Variants in TYW1 observed in about 807,000 individuals in gnomAD.
TYW1 encodes tRNA-yW synthesizing protein 1 homolog.
TYW1 carries 46 observed loss-of-function variants against 96.2 expected under a neutral mutation model. The observed-to-expected ratio is 0.48, with a 90% CI of 0.38 to 0.61. The LOEUF is 0.61. Ranked by LOEUF, TYW1 falls within the 20% of genes least tolerant of loss-of-function variation. The pLI, the probability that TYW1 is intolerant of heterozygous loss-of-function variation, is 0.00. For missense variants in TYW1, 684 were observed against 909.6 expected, an observed-to-expected ratio of 0.75 and a Z score of 3.19; for synonymous variants, 274 against 323.0, an observed-to-expected ratio of 0.85 and a Z score of 1.63.
At chr7:67,064,035 A>C (rs1179205907) in intron 9 of TYW1, among the ~76,000 whole-genome samples, 1 of 152,238 alleles carries the variant, frequency 6.6e-6, no homozygotes, top group Non-Finnish European at 1.5e-5. Flanking sequence ...AAATTTTTAA[A>C]ATGCTGATAA....
At chr7:67,028,896 A>G (rs1794548599) in intron 7 of TYW1, among the ~76,000 whole-genome samples, 1 of 152,246 alleles carries the variant, frequency 6.6e-6, no homozygotes, top group Non-Finnish European at 1.5e-5. Context: ...TGGTATATCC[A>G]CACAATGGAA....
chr7:67,015,104 C>T (rs948662545), intron 5 of TYW1, among the ~76,000 whole-genome samples: 7 of 150,834 alleles, frequency 4.6e-5, no homozygotes, highest in African/African-American at 1.5e-4. Flanking sequence ...CGGGTTCAAG[C>T]GGTTCTCATT....
rs544650851 is a variant in TYW1, at chr7:67,014,496, C to T, written c.505C>T (p.Leu169=). ...SIDFRFGKTY[L]KGMRYAVFGL... ...TGATTTTCGATTTGGCAAAACTTAC[C>T]TGAAGGGTATGAGATATGCGGTATT... The change falls in exon 5 of 16, where the codon CTG becomes TTG. Residue 169 remains leucine (L), a synonymous_variant. Transcript: ENST00000359626. 2 of 1,613,910 alleles carry T rather than the reference C, an allele frequency of 1.2e-6. No homozygotes were observed. Among genetic ancestry groups the T allele is most frequent in the African/African-American group, 2.7e-5 (2 of 75,014 alleles).
intron 9 of TYW1, among the ~76,000 whole-genome samples, chr7:67,065,858 A>G (rs769928029): frequency 6.6e-6 from 1 of 152,122 alleles, no homozygotes; most frequent in Non-Finnish European, 1.5e-5. Context: ...AAAAAATACA[A>G]ATACTAGCTG....
chr7:66,997,372 T>C (rs1793208036), intron 1 of TYW1, among the ~76,000 whole-genome samples: 1 of 152,110 alleles, frequency 6.6e-6, no homozygotes, highest in South Asian at 2.1e-4. Flanking sequence ...CTTTTACAAG[T>C]TTAACCGTGA....
intron 14 of TYW1, among the ~76,000 whole-genome samples, chr7:67,191,989 G>A (rs1446899768): frequency 1.3e-5 from 2 of 151,678 alleles, no homozygotes; most frequent in East Asian, 3.9e-4. Flanking sequence ...TCCGCCTGCC[G>A]GGTTCGAGCT....
intron 4 of TYW1, among the ~76,000 whole-genome samples, chr7:67,013,640 T>C (rs1203728839): frequency 2.6e-5 from 4 of 152,140 alleles, no homozygotes; most frequent in Non-Finnish European, 4.4e-5. Context: ...ACATGAGCTG[T>C]TGTTTTCTCT....
intron 7 of TYW1, among the ~76,000 whole-genome samples, chr7:67,041,880 T>A (rs1433297598): frequency 6.6e-6 from 1 of 151,910 alleles, no homozygotes; most frequent in Admixed American, 6.6e-5. Context: ...GAGATAACAG[T>A]ATCTGCCTTA....
At chr7:67,005,571 G>A (rs1793549010) in intron 3 of TYW1, among the ~76,000 whole-genome samples, 2 of 152,218 alleles carry the variant, frequency 1.3e-5, no homozygotes, top group Admixed American at 1.3e-4. Flanking sequence ...ACTTCAGCCT[G>A]GGTGACAGAG....
Position 67,018,043 on chromosome 7 carries a change from G to C in TYW1, c.761G>C (p.Gly254Ala). The change falls in exon 6 of 16, where the codon GGC (glycine) becomes GCC (alanine). Residue 254 changes from glycine to alanine, a missense_variant. Physicochemically the swap from Gly to Ala is moderately conservative, Grantham distance 60 (BLOSUM62 0). Transcript: ENST00000359626. ...QKGERKKSCGGHCKKGKCESH... is the reference protein window; with the variant it reads ...QKGERKKSCGAHCKKGKCESH... ...GGGGAGAGAAAGAAGTCCTGTGGCG[G>C]CCACTGCAAGAAAGGCAAATGTGAA... 6.2e-7 allele frequency: 1 copy of C among 1,614,062 alleles called. No homozygotes were observed. Among genetic ancestry groups the C allele is most frequent in the South Asian group, 1.1e-5 (1 of 91,074 alleles).
intron 15 of TYW1, among the ~76,000 whole-genome samples, chr7:67,237,492 T>C: frequency 7.7e-6 from 1 of 130,382 alleles, no homozygotes; most frequent in Non-Finnish European, 1.6e-5. Context: ...AGAGTGAGAC[T>C]CTGTCTCAAA....
intron 15 of TYW1, among the ~76,000 whole-genome samples, chr7:67,225,891 A>G (rs1259066174): frequency 6.6e-6 from 1 of 151,208 alleles, no homozygotes; most frequent in Admixed American, 6.6e-5. Context: ...ACTTATTACC[A>G]GTAAACTCAG....
chr7:66,996,897 G>T lies in TYW1; in HGVS notation c.-82G>T. ...GGTACGCCGCTAACGCGGCGAGGTA[G>T]CTCGGTGCGTCTCGCGGTACCAGTG... On this transcript the variant is annotated 5_prime_UTR_variant, in exon 1 of 16. An upstream open reading frame in the 5' UTR loses its in-frame stop. Transcript: ENST00000359626. The T allele has an allele frequency of 6.2e-7, 1 of 1,607,140 alleles. No homozygotes were observed. Among genetic ancestry groups the T allele is most frequent in the South Asian group, 1.1e-5 (1 of 90,054 alleles).
chr7:67,212,533 T>C (rs1801066649), intron 15 of TYW1, among the ~76,000 whole-genome samples: 1 of 152,214 alleles, frequency 6.6e-6, no homozygotes, highest in South Asian at 2.1e-4. Flanking sequence ...TGCTGGATCA[T>C]ATGGTAGGAT....
At chr7:67,230,627 C>G (rs1314990094) in intron 15 of TYW1, among the ~76,000 whole-genome samples, 1 of 149,320 alleles carries the variant, frequency 6.7e-6, no homozygotes. Context: ...CCTGCACCCC[C>G]AACCCACCAT....
At chr7:67,010,061 C>T (rs1184821456) in intron 4 of TYW1, among the ~76,000 whole-genome samples, 7 of 150,876 alleles carry the variant, frequency 4.6e-5, no homozygotes, top group Non-Finnish European at 5.9e-5. Flanking sequence ...CAGTTCAGTG[C>T]AATGTCCGTC....
chr7:67,023,415 C>A lies in TYW1; in HGVS notation c.862-1485C>A, dbSNP rs140674899. 3.9e-3 allele frequency among the ~76,000 whole-genome samples: 587 copies of A among 152,056 alleles called. 3 individuals carry two copies. Among genetic ancestry groups the A allele is most frequent in the African/African-American group, 0.013 (543 of 41,478 alleles). Reference sequence around the variant, plus strand: ...TCCGGCCCGTTTCTTTTAAAGTGACCCTTGAGTTACTGAGAAAGTACCTGC... The same window carrying A: ...TCCGGCCCGTTTCTTTTAAAGTGACACTTGAGTTACTGAGAAAGTACCTGC... On this transcript the variant is annotated intron_variant, in intron 6 of 15. Coordinates refer to ENST00000359626, the MANE Select transcript of TYW1 (RefSeq NM_018264.4).
intron 3 of TYW1, among the ~76,000 whole-genome samples, chr7:67,004,024 A>G (rs1355842602): frequency 6.6e-6 from 1 of 151,974 alleles, no homozygotes; most frequent in Non-Finnish European, 1.5e-5. Context: ...AGTCTGGGGG[A>G]CAGAGTGAAA....
chr7:67,202,094 A>G (rs10081333), intron 15 of TYW1, among the ~76,000 whole-genome samples: 38,220 of 152,038 alleles, frequency 0.25, 5,000 homozygotes, highest in African/African-American at 0.3. Flanking sequence ...AAGCAAAACA[A>G]GGCTCATTTA....
Sources: allele counts gnomAD v4.1 joint callset (sites outside exome capture counted in the v4.1 genomes callset), GRCh38; gene constraint gnomAD v4.1.1; transcripts MANE v1.5; gene names NCBI Gene and HGNC (gene_info 2026-07-23, HGNC 2026-07-21).